NBEA: variants seen among roughly 807,000 people sequenced by gnomAD.
NBEA encodes neurobeachin, also known as lysosomal-trafficking regulator 2.
NBEA carries 44 observed loss-of-function variants against 343.4 expected under a neutral mutation model. The observed-to-expected ratio is 0.13, with a 90% CI of 0.10 to 0.16. NBEA has a LOEUF of 0.16. Ranked by LOEUF, NBEA falls within the 10% of genes least tolerant of loss-of-function variation. The pLI is 1.00. For missense variants in NBEA, 2,555 were observed against 3,631.3 expected (o/e 0.70, Z 7.62); for synonymous variants, 1,175 against 1,238.7 (o/e 0.95, Z 1.08).
At chr13:35,494,708 A>AGTGCCTTTTTTCCGGTTTC (rs2076613628) in intron 41 of NBEA, among the ~76,000 whole-genome samples, 1 of 152,036 alleles carries the variant, frequency 6.6e-6, no homozygotes, top group Non-Finnish European at 1.5e-5. Context: ...ATGTAAATGG[A>AGTGCCTTTTTTCCGGTTTC]TTAAACAGTC....
chr13:34,974,637 A>G (rs1201652121), intron 1 of NBEA, among the ~76,000 whole-genome samples: 5 of 152,356 alleles, frequency 3.3e-5, no homozygotes. Flanking sequence ...GAGTACATAC[A>G]AAAATGATGA....
intron 46 of NBEA, among the ~76,000 whole-genome samples, chr13:35,588,445 T>G (rs2081381927): frequency 6.6e-6 from 1 of 152,128 alleles, no homozygotes; most frequent in South Asian, 2.1e-4. Context: ...GTCCTTTACC[T>G]TAGACCTTTT....
At chr13:35,006,649 T>G (rs1189044075) in intron 1 of NBEA, among the ~76,000 whole-genome samples, 1 of 152,232 alleles carries the variant, frequency 6.6e-6, no homozygotes, top group Non-Finnish European at 1.5e-5. Flanking sequence ...ATCTACTTTT[T>G]ACAGTCTCTT....
intron 1 of NBEA, among the ~76,000 whole-genome samples, chr13:34,958,040 A>T (rs1188048520): frequency 6.6e-6 from 1 of 152,012 alleles, no homozygotes; most frequent in African/African-American, 2.4e-5. Context: ...TTAGTTAAAA[A>T]ATATATCTTA....
At chr13:35,136,058 A>C (rs1245975614) in intron 17 of NBEA, among the ~76,000 whole-genome samples, 1 of 152,280 alleles carries the variant, frequency 6.6e-6, no homozygotes, top group Admixed American at 6.5e-5. Flanking sequence ...ATTATATAGT[A>C]AAGTAGAGAC....
chr13:35,005,644 A>G (rs1037713278), intron 1 of NBEA, among the ~76,000 whole-genome samples: 1 of 152,156 alleles, frequency 6.6e-6, no homozygotes. Flanking sequence ...ACAGAAAGTG[A>G]AACAGTTACT....
At chr13:35,352,966 A>G (rs1213919010) in intron 38 of NBEA, among the ~76,000 whole-genome samples, 1 of 152,186 alleles carries the variant, frequency 6.6e-6, no homozygotes, top group African/African-American at 2.4e-5. Context: ...CTGGAAAACT[A>G]GAAGTGAAAC....
At chr13:35,431,275 G>T (rs1337459214) in intron 38 of NBEA, among the ~76,000 whole-genome samples, 2 of 152,032 alleles carry the variant, frequency 1.3e-5, no homozygotes, top group African/African-American at 4.8e-5. Context: ...ATAATGAAAT[G>T]AAATCTTCTA....
chr13:35,007,879 A>G (rs2061367585), intron 1 of NBEA, among the ~76,000 whole-genome samples: 1 of 152,100 alleles, frequency 6.6e-6, no homozygotes, highest in South Asian at 2.1e-4. Context: ...TATCTGCTTC[A>G]TTATCTAGGA....
intron 41 of NBEA, among the ~76,000 whole-genome samples, chr13:35,538,966 G>A (rs79438382): frequency 0.047 from 7,091 of 152,188 alleles, 176 homozygotes; most frequent in East Asian, 0.067. Flanking sequence ...AACAAATTGG[G>A]AATCACTCTG....
At chr13:35,238,947 T>C in intron 34 of NBEA, among the ~76,000 whole-genome samples, 1 of 152,146 alleles carries the variant, frequency 6.6e-6, no homozygotes, top group East Asian at 1.9e-4. Flanking sequence ...AAGCTCCATA[T>C]CATTCACAGA....
chr13:35,004,851 A>C (rs927878296), intron 1 of NBEA, among the ~76,000 whole-genome samples: 1 of 152,198 alleles, frequency 6.6e-6, no homozygotes, highest in Non-Finnish European at 1.5e-5. Context: ...TTAATAGAAC[A>C]GTGTGAATTT....
In NBEA at chr13:35,361,665, T is replaced by A. The variant is rs1300864852; in HGVS notation, c.6179+9342T>A. On this transcript the variant is annotated intron_variant, in intron 38 of 58. Transcript: ENST00000379939. ...GAGTTATTAAATACAGTACCAAAAG[T>A]CTGATCCATAAAAGAAAAAATAATT... 3.9e-5 allele frequency among the ~76,000 whole-genome samples: 6 copies of A among 151,986 alleles called. No individual in the cohort carries two copies. The East Asian group carries it at 1.2e-3, about 29-fold the overall frequency.
At chr13:35,369,718 C>G (rs1054617561) in intron 38 of NBEA, among the ~76,000 whole-genome samples, 1 of 151,910 alleles carries the variant, frequency 6.6e-6, no homozygotes, top group Non-Finnish European at 1.5e-5. Context: ...TGCAACTTTA[C>G]TGAATTTATC....
At position 35,567,825 on chromosome 13, in the gene NBEA, C is replaced by T. The variant is rs1468756697; in HGVS notation, c.7035+808C>T. On this transcript the variant is annotated intron_variant, in intron 45 of 58. Coordinates refer to ENST00000379939, the MANE Select transcript of NBEA (RefSeq NM_001385012.1). ...GGTTTAAGGGGCTAATTGACAAGAG[C>T]AGCATAAGCCCTGTGATTTAGGGAA... Among the ~76,000 whole-genome samples the T allele has an allele frequency of 5.9e-5, 9 of 152,286 alleles. No individual in the cohort carries two copies. In the South Asian group the frequency reaches 1.7e-3, roughly 28 times the overall value.
rs1257525289 is a variant in NBEA, at chr13:35,096,329, A to T, written c.1572-1968A>T. 3.3e-5 allele frequency among the ~76,000 whole-genome samples: 5 copies of T among 151,794 alleles called. No individual in the cohort carries two copies. In the East Asian group the frequency reaches 9.7e-4, roughly 29 times the overall value. ...CCTGGTTAATATTGAAGTGAAATTAACACTTTATGGATAGCAGAGTCCTGT... is the reference window on the plus strand; with the variant it reads ...CCTGGTTAATATTGAAGTGAAATTATCACTTTATGGATAGCAGAGTCCTGT... On this transcript the variant is annotated intron_variant, in intron 10 of 58. Coordinates refer to ENST00000379939, the MANE Select transcript of NBEA (RefSeq NM_001385012.1).
At chr13:35,515,085 A>T (rs2077432166) in intron 41 of NBEA, among the ~76,000 whole-genome samples, 1 of 152,238 alleles carries the variant, frequency 6.6e-6, no homozygotes, top group Non-Finnish European at 1.5e-5. Flanking sequence ...GATATACTGC[A>T]AATGACAGGA....
At chr13:35,177,471 G>A (rs1444888300) in intron 28 of NBEA, among the ~76,000 whole-genome samples, 1 of 151,778 alleles carries the variant, frequency 6.6e-6, no homozygotes, top group Non-Finnish European at 1.5e-5. Context: ...GGATGAAAGG[G>A]ATTAATTCAT....
At chr13:35,084,450 A>G (rs960663089) in intron 10 of NBEA, among the ~76,000 whole-genome samples, 26 of 152,308 alleles carry the variant, frequency 1.7e-4, no homozygotes, top group Middle Eastern at 3.4e-3. Context: ...GCTCAACTAC[A>G]TGGAAACTGA....
Sources: allele counts gnomAD v4.1 joint callset (sites outside exome capture counted in the v4.1 genomes callset), GRCh38; gene constraint gnomAD v4.1.1; transcripts MANE v1.5; gene names NCBI Gene and HGNC (gene_info 2026-07-23, HGNC 2026-07-21).